Variants in PHACTR3 observed in about 807,000 individuals in gnomAD.
The protein encoded by PHACTR3 is protein phosphatase 1, regulatory subunit 123.
Under a neutral mutation model 66.8 loss-of-function variants are expected in PHACTR3, and 16 were observed. The ratio of observed to expected loss-of-function variants is 0.24; its 90% confidence interval spans 0.16 to 0.36. The LOEUF is 0.36. Ranked by LOEUF, PHACTR3 falls within the 10% of genes least tolerant of loss-of-function variation. PHACTR3 has a pLI of 1.00. For synonymous variants in PHACTR3, 323 were observed against 292.1 expected (o/e 1.11, Z -1.08); for missense variants, 647 against 719.9 (o/e 0.90, Z 1.16).
rs188009185 is a variant in PHACTR3 at position 59,700,822 on chromosome 20, C to T, written c.119-42285C>T. ...GTTTTTGTTTTGAGACAGGGGCTTGCTCCATCATCTAGGCAGGAGTGCACT... is the reference window on the plus strand; with the variant it reads ...GTTTTTGTTTTGAGACAGGGGCTTGTTCCATCATCTAGGCAGGAGTGCACT... On this transcript the variant is annotated intron_variant, in intron 1 of 12. Coordinates refer to ENST00000371015, the MANE Select transcript of PHACTR3 (RefSeq NM_080672.5). Among the ~76,000 whole-genome samples, 21 of 152,234 alleles carry T rather than the reference C, an allele frequency of 1.4e-4. No homozygotes were observed. In the East Asian group the frequency reaches 3.9e-3, roughly 28 times the overall value.
At chr20:59,781,827 A>AG (rs1292498645) in intron 7 of PHACTR3, among the ~76,000 whole-genome samples, 1 of 152,146 alleles carries the variant, frequency 6.6e-6, no homozygotes, top group Non-Finnish European at 1.5e-5. Context: ...CAGCAAGCAC[A>AG]GGGGGGTTCT....
chr20:59,586,780 A>G (rs1340064339), intron 1 of PHACTR3, among the ~76,000 whole-genome samples: 1 of 152,082 alleles, frequency 6.6e-6, no homozygotes. Context: ...ACTCATCTAC[A>G]CATCTCTGTG....
chr20:59,834,098 C>A (rs1393519054), intron 8 of PHACTR3, among the ~76,000 whole-genome samples: 2 of 152,176 alleles, frequency 1.3e-5, no homozygotes, highest in Non-Finnish European at 2.9e-5. Context: ...AGATCCCATT[C>A]CTATACACAG....
chr20:59,636,994 ACT>A (rs1298967990), intron 1 of PHACTR3, among the ~76,000 whole-genome samples: 5 of 152,152 alleles, frequency 3.3e-5, no homozygotes, highest in Non-Finnish European at 1.5e-5. Flanking sequence ...ACCAACACAG[ACT>A]CTGATCCAAG....
chr20:59,831,547 T>G (rs1235181056), intron 8 of PHACTR3, among the ~76,000 whole-genome samples: 2 of 152,188 alleles, frequency 1.3e-5, no homozygotes, highest in Non-Finnish European at 2.9e-5. Flanking sequence ...CAGCCCCATT[T>G]CTGAATCAGG....
intron 1 of PHACTR3, among the ~76,000 whole-genome samples, chr20:59,625,496 G>T (rs1225477731): frequency 2.0e-5 from 3 of 152,092 alleles, no homozygotes; most frequent in Non-Finnish European, 4.4e-5. Context: ...TCTATTCATG[G>T]CCCTCTCCCA....
intron 11 of PHACTR3, 137 bp downstream of exon 11, chr20:59,841,672 A>T (rs1429489350): frequency 1.1e-6 from 1 of 938,990 alleles, no homozygotes; most frequent in Admixed American, 3.8e-5. Context: ...TTGGTTTCTC[A>T]AAGATAATTC....
chr20:59,605,846 C>CGGGGGGGGGGGGGGGGG (rs200107140), intron 1 of PHACTR3, among the ~76,000 whole-genome samples: 2 of 7,762 alleles, frequency 2.6e-4, no homozygotes, highest in African/African-American at 1.8e-3. Flanking sequence ...CCTAATAAAG[C>CGGGGGGGGGGGGGGGGG]GGGGGGGGAG....
chr20:59,741,383 T>G (rs762724610), intron 1 of PHACTR3, among the ~76,000 whole-genome samples: 2 of 152,204 alleles, frequency 1.3e-5, no homozygotes, highest in Non-Finnish European at 2.9e-5. Flanking sequence ...CCCACGGGTC[T>G]GCGATCTTCC....
chr20:59,762,459 C>A (rs2040023655), intron 4 of PHACTR3, among the ~76,000 whole-genome samples: 1 of 152,240 alleles, frequency 6.6e-6, no homozygotes, highest in South Asian at 2.1e-4. Flanking sequence ...ACTCCAGCCG[C>A]TTGTCCAGTG....
At chr20:59,628,690 G>A (rs1274546198) in intron 1 of PHACTR3, 1 of 985,284 alleles carries the variant, frequency 1.0e-6, no homozygotes, top group African/African-American at 1.7e-5. Context: ...CTCCCCTGTT[G>A]CCTGTGCTCT....
chr20:59,814,288 G>A (rs1249322397), intron 8 of PHACTR3, among the ~76,000 whole-genome samples: 1 of 152,228 alleles, frequency 6.6e-6, no homozygotes, highest in Non-Finnish European at 1.5e-5. Context: ...CGGGGCTGCA[G>A]AGAGGACGGC....
rs372986409 is a variant in PHACTR3 at position 59,745,853 on chromosome 20, G to A, written c.281-1905G>A. On this transcript the variant is annotated intron_variant, in intron 2 of 12. Transcript: ENST00000371015. ...GACGTCCCCATCCCCGAGAGGGGGA[G>A]GGTAGAGCCTCGCAGCTGCATCTTT... 5.9e-5 allele frequency among the ~76,000 whole-genome samples: 9 copies of A among 152,332 alleles called. No individual in the cohort carries two copies. The East Asian group carries it at 1.7e-3, about 29-fold the overall frequency.
chr20:59,784,246 G>A (rs6027103), intron 7 of PHACTR3, among the ~76,000 whole-genome samples: 19,250 of 151,892 alleles, frequency 0.13, 2,548 homozygotes, highest in East Asian at 0.39. Flanking sequence ...CCCCGCAATC[G>A]CATGAGTCAA....
chr20:59,644,196 G>T (rs2035202144), intron 1 of PHACTR3, among the ~76,000 whole-genome samples: 1 of 152,226 alleles, frequency 6.6e-6, no homozygotes, highest in Non-Finnish European at 1.5e-5. Flanking sequence ...GCTAGTGGTT[G>T]CAGCACCCTG....
intron 1 of PHACTR3, among the ~76,000 whole-genome samples, chr20:59,741,431 T>A (rs6027071): frequency 0.2 from 30,483 of 152,144 alleles, 6,690 homozygotes; most frequent in African/African-American, 0.54. Context: ...CGGAGCCTGG[T>A]TGGGACTCAG....
chr20:59,770,156 C>T (rs1170053608), intron 5 of PHACTR3, among the ~76,000 whole-genome samples: 1 of 152,228 alleles, frequency 6.6e-6, no homozygotes, highest in Admixed American at 6.5e-5. Context: ...TGTCCCCAGT[C>T]TGCGGACACT....
chr20:59,811,260 C>T (rs2041728463), intron 8 of PHACTR3, among the ~76,000 whole-genome samples: 1 of 152,202 alleles, frequency 6.6e-6, no homozygotes, highest in African/African-American at 2.4e-5. Context: ...TTAGGCATGG[C>T]TTTGAATTTT....
At chr20:59,700,293 T>C (rs1229823126) in intron 1 of PHACTR3, among the ~76,000 whole-genome samples, 2 of 152,244 alleles carry the variant, frequency 1.3e-5, no homozygotes, top group Admixed American at 6.5e-5. Context: ...ACACTGGGGT[T>C]GTTTCCAAAC....
Sources: allele counts gnomAD v4.1 joint callset (sites outside exome capture counted in the v4.1 genomes callset), GRCh38; gene constraint gnomAD v4.1.1; transcripts MANE v1.5; gene names NCBI Gene and HGNC (gene_info 2026-07-23, HGNC 2026-07-21).